MAP4K1: variants seen among roughly 807,000 people sequenced by gnomAD.
MAP4K1 encodes the protein MAPK/ERK kinase kinase kinase 1.
In MAP4K1, 35 loss-of-function variants were observed where a neutral mutation model predicts 122.8. The ratio of observed to expected loss-of-function variants is 0.29; its 90% confidence interval spans 0.22 to 0.38. The LOEUF is 0.38. Ranked by LOEUF, MAP4K1 falls within the 10% of genes least tolerant of loss-of-function variation. The probability of loss-of-function intolerance (pLI) is 1.00; values close to 1 mark genes in which losing one functional copy is unlikely to be tolerated. For missense variants in MAP4K1, 791 were observed against 1,072.6 expected, an observed-to-expected ratio of 0.74 and a Z score of 3.67; for synonymous variants, 412 against 421.3, an observed-to-expected ratio of 0.98 and a Z score of 0.27.
At chr19:38,592,840 C>T (rs953168553) in intron 30 of MAP4K1, among the ~76,000 whole-genome samples, 2 of 152,126 alleles carry the variant, frequency 1.3e-5, no homozygotes, top group Non-Finnish European at 2.9e-5. Flanking sequence ...TCGCTTGAAC[C>T]TGGGAGGCAG....
chr19:38,606,244 G>C (rs770267627), intron 16 of MAP4K1, 29 bp from the exon 17 acceptor site: 1 of 1,246,234 alleles, frequency 8.0e-7, no homozygotes, highest in African/African-American at 1.5e-5. Flanking sequence ...TTAAATAGCT[G>C]GGGGGCTGGG....
At chr19:38,605,361 C>T in intron 19 of MAP4K1, 48 bp downstream of exon 19, 1 of 696,182 alleles carries the variant, frequency 1.4e-6, no homozygotes, top group Non-Finnish European at 2.5e-6. Flanking sequence ...CACCAGGCAT[C>T]CCCAGCCCCG....
rs371802825 is a variant in MAP4K1 at position 38,592,771 on chromosome 19, G to A, written c.2396+511C>T. Among the ~76,000 whole-genome samples the A allele has an allele frequency of 1.5e-4, 22 of 151,658 alleles. No individual in the cohort carries two copies. The East Asian group carries it at 2.7e-3, about 19-fold the overall frequency. On this transcript the variant is annotated intron_variant, in intron 30 of 30. Coordinates refer to ENST00000396857, the MANE Select transcript of MAP4K1 (RefSeq NM_001042600.3). ...ATCTCTACTAAAAAATATAGTATTA[G>A]CCGGGTGTGGTGGCACATGCCTGTA... is the stretch of plus-strand genomic sequence containing the variant.
At chr19:38,605,829 C>G in intron 17 of MAP4K1, 99 bp from the exon 18 acceptor site, 1 of 1,217,596 alleles carries the variant, frequency 8.2e-7, no homozygotes, top group Non-Finnish European at 1.1e-6. Flanking sequence ...GAACTAACAG[C>G]TGTGGCTCTG....
At chr19:38,604,080 C>T (rs1027187310) in intron 19 of MAP4K1, among the ~76,000 whole-genome samples, 18 of 140,160 alleles carry the variant, frequency 1.3e-4, no homozygotes, top group Non-Finnish European at 2.3e-4. Context: ...GAGCCATGAT[C>T]GCGCCACTGC....
Position 38,613,941 on chromosome 19 carries a change from T to C in MAP4K1, c.472A>G (p.Ile158Val), listed in dbSNP as rs768384289. ...AGTGTAGCCCCAATCTGGGCCGAGA[T>C]GCCAAAGTCAGCTGGAAGCAGAGGG... ...AGEVRLADFG[I>V]SAQIGATLAR... Residue 158 changes from isoleucine (I) to valine (V), a missense_variant, in exon 8 of 31, where the codon ATC (isoleucine) becomes GTC (valine). Transcript: ENST00000396857. 2.5e-6 allele frequency: 4 copies of C among 1,613,970 alleles called. No homozygotes were observed. The East Asian group carries it at 8.9e-5, about 36-fold the overall frequency.
At chr19:38,588,153 G>C (rs1014494137) in intron 30 of MAP4K1, among the ~76,000 whole-genome samples, 1 of 152,174 alleles carries the variant, frequency 6.6e-6, no homozygotes. Context: ...TGGCTGGGGA[G>C]AACAGCCTGT....
chr19:38,591,198 G>GAA (rs371942137), intron 30 of MAP4K1, among the ~76,000 whole-genome samples: 2,940 of 141,700 alleles, frequency 0.021, 88 homozygotes, highest in African/African-American at 0.066. Flanking sequence ...CTCAAGAAAA[G>GAA]AAAAAAAAAA....
intron 22 of MAP4K1, among the ~76,000 whole-genome samples, chr19:38,598,456 G>A (rs1246149412): frequency 6.6e-6 from 1 of 152,064 alleles, no homozygotes; most frequent in East Asian, 1.9e-4. Context: ...AGCCTCCCGA[G>A]TAGCTGGAAC....
chr19:38,614,776 G>A, intron 4 of MAP4K1: 1 of 349,866 alleles, frequency 2.9e-6, no homozygotes, highest in South Asian at 2.6e-5. Context: ...ACAAAAATTA[G>A]CCAGGCATAG....
intron 19 of MAP4K1, among the ~76,000 whole-genome samples, chr19:38,603,424 A>C (rs528330140): frequency 1.5e-4 from 23 of 151,544 alleles, no homozygotes; most frequent in Admixed American, 4.6e-4. Context: ...ACACGTATAC[A>C]TATATACACA....
intron 30 of MAP4K1, 63 bp downstream of exon 30, chr19:38,593,217 CAG>C (rs1243165007): frequency 1.7e-5 from 25 of 1,501,258 alleles, no homozygotes; most frequent in Non-Finnish European, 2.3e-5. Flanking sequence ...GGGGACACCT[CAG>C]AATGCTCTCT....
chr19:38,596,960 G>C, intron 25 of MAP4K1, 74 bp downstream of exon 25: 1 of 1,401,586 alleles, frequency 7.1e-7, no homozygotes, highest in Non-Finnish European at 1.0e-6. Context: ...TGGAGCTCTT[G>C]ATAGAAGCGC....
chr19:38,590,438 A>ATATATATATATATATAG (rs1421697310), intron 30 of MAP4K1, among the ~76,000 whole-genome samples: 2 of 90,698 alleles, frequency 2.2e-5, no homozygotes, highest in Non-Finnish European at 4.6e-5. Context: ...TATATATATA[A>ATATATATATATATATAG]TCACGGGCGT....
chr19:38,597,285 G>A lies in MAP4K1; in HGVS notation c.1837+41C>T, dbSNP rs1974919576. On this transcript the variant is annotated intron_variant, in intron 24 of 30. Transcript: ENST00000396857. This position sits in a 1 kb window ranked among gnomAD's most constrained non-coding sequence, Gnocchi z 4.6. Reference sequence around the variant, plus strand: ...CAGTTCAAGCCCCTCCTCTGGCCTGGCCCCGCCCACTCTCTGCACACCCGT... The same window carrying A: ...CAGTTCAAGCCCCTCCTCTGGCCTGACCCCGCCCACTCTCTGCACACCCGT... The A allele has an allele frequency of 6.2e-7, 1 of 1,612,220 alleles. No homozygotes were observed. The highest frequency in any genetic ancestry group is 1.7e-5 in the Admixed American group (1 of 59,992).
intron 13 of MAP4K1, among the ~76,000 whole-genome samples, chr19:38,608,617 G>A (rs550999627): frequency 2.0e-5 from 3 of 151,884 alleles, no homozygotes; most frequent in South Asian, 4.2e-4. Context: ...TCAACATGGT[G>A]AAGCCCCGTC....
intron 13 of MAP4K1, among the ~76,000 whole-genome samples, chr19:38,608,828 A>AAC (rs1975412251): frequency 2.2e-5 from 3 of 137,138 alleles, no homozygotes; most frequent in Non-Finnish European, 4.9e-5. Flanking sequence ...AAAAAAAAAA[A>AAC]ACATTAGCCA....
chr19:38,609,725 T>C, intron 12 of MAP4K1, 51 bp from the exon 13 acceptor site: 1 of 1,532,706 alleles, frequency 6.5e-7, no homozygotes, highest in Non-Finnish European at 8.9e-7. Flanking sequence ...AGCAGCCTCC[T>C]ACCCTGCCCG....
rs1262584420 is a variant in MAP4K1, at chr19:38,602,955, C to CAT, written c.1447-1431_1447-1430insAT. On this transcript the variant is annotated intron_variant, in intron 19 of 30. Transcript: ENST00000396857. ...ACATATATACACATACATATATACA[C>CAT]ACATATACACATGCACATATATACG... Among the ~76,000 whole-genome samples the CAT allele has an allele frequency of 3.6e-5, 5 of 140,330 alleles. No homozygotes were observed. In the East Asian group the frequency reaches 9.7e-4, roughly 27 times the overall value. The allele number at this position is 140,330 out of a possible 152,430, so 92.1% of individuals were successfully genotyped here.
Sources: gnomAD v4.1 joint callset for allele counts (sites outside exome capture counted in the v4.1 genomes callset) on GRCh38, gnomAD v4.1.1 for gene constraint, Gnocchi (gnomAD v3.1) non-coding constraint, MANE v1.5 for transcripts, NCBI Gene and HGNC (gene_info 2026-07-23, HGNC 2026-07-21) for gene names.